N4BP2L2: variants seen among roughly 807,000 people sequenced by gnomAD.
N4BP2L2 encodes NEDD4 binding protein 2 like 2, also known as NEDD4-binding protein 2-like 2.
In N4BP2L2, 50 loss-of-function variants were observed where a neutral mutation model predicts 56.2. The ratio of observed to expected loss-of-function variants is 0.89; its 90% CI spans 0.71 to 1.13. The LOEUF (loss-of-function observed/expected upper bound fraction) is 1.13, where lower values mean the gene tolerates loss of function less well. Ranked by LOEUF, N4BP2L2 falls within the 50% of genes most tolerant of loss-of-function variation. The pLI is 0.00. For missense variants in N4BP2L2, 689 were observed against 693.8 expected (o/e 0.99, Z 0.08); for synonymous variants, 203 against 223.6 (o/e 0.91, Z 0.82).
At chr13:32,533,989 A>G (rs141383474) in intron 2 of N4BP2L2, among the ~76,000 whole-genome samples, 23 of 152,320 alleles carry the variant, frequency 1.5e-4, no homozygotes, top group Non-Finnish European at 2.8e-4. Context: ...TAAGCATTAC[A>G]GTGAAGGCAA....
At chr13:32,518,085 C>G in intron 5 of N4BP2L2, 82 bp from the exon 6 acceptor site, 1 of 1,233,594 alleles carries the variant, frequency 8.1e-7, no homozygotes, top group Non-Finnish European at 1.1e-6. Flanking sequence ...AAAAAGCACA[C>G]AAATTCTAAA....
In N4BP2L2 at chr13:32,489,893, T is replaced by C. The variant is rs116010564; in HGVS notation, c.365+27964A>G. On this transcript the variant is annotated intron_variant, in intron 6 of 9. Transcript: ENST00000357505. ...TACAGCTAAATATAATTTTATGTTA[T>C]CATATAATAAACACTAAAAAAGATC... 7.3e-3 allele frequency among the ~76,000 whole-genome samples: 1,105 copies of C among 152,312 alleles called. 16 individuals are homozygous for C. Among genetic ancestry groups the C allele is most frequent in the African/African-American group, 0.026 (1,074 of 41,560 alleles).
At chr13:32,455,356 C>G (rs1456583813) in intron 6 of N4BP2L2, among the ~76,000 whole-genome samples, 1 of 152,112 alleles carries the variant, frequency 6.6e-6, no homozygotes, top group African/African-American at 2.4e-5. Flanking sequence ...CTGAGACTGC[C>G]TACCTGGGGC....
At chr13:32,481,011 C>T (rs893507024) in intron 6 of N4BP2L2, among the ~76,000 whole-genome samples, 3 of 145,664 alleles carry the variant, frequency 2.1e-5, no homozygotes, top group Admixed American at 7.1e-5. Context: ...CCCAGCTACT[C>T]GGGAGGCTGA....
At chr13:32,441,818 C>T (rs890186536) in intron 7 of N4BP2L2, among the ~76,000 whole-genome samples, 66 of 149,378 alleles carry the variant, frequency 4.4e-4, no homozygotes, top group African/African-American at 1.2e-3. Context: ...CCGAGGCGGG[C>T]GGATCACGAG....
chr13:32,487,748 A>G (rs899667057), intron 6 of N4BP2L2, among the ~76,000 whole-genome samples: 2 of 152,192 alleles, frequency 1.3e-5, no homozygotes, highest in African/African-American at 4.8e-5. Flanking sequence ...TCCCCATAGC[A>G]GGCATATAGG....
chr13:32,484,455 T>C (rs2139206128), intron 6 of N4BP2L2, among the ~76,000 whole-genome samples: 1 of 152,284 alleles, frequency 6.6e-6, no homozygotes, highest in East Asian at 1.9e-4. Flanking sequence ...ATAAAGTCAT[T>C]TGCTTCTTAA....
At chr13:32,537,874 G>A (rs1279906080) in intron 1 of N4BP2L2, among the ~76,000 whole-genome samples, 1 of 152,094 alleles carries the variant, frequency 6.6e-6, no homozygotes, top group Non-Finnish European at 1.5e-5. Context: ...TTCGAGACCA[G>A]CCTGGCAACA....
At position 32,445,518 on chromosome 13, in the gene N4BP2L2, A is replaced by G. The variant is rs777498228; in HGVS notation, c.366-1392T>C. Among the ~76,000 whole-genome samples, 5 of 152,264 alleles carry G rather than the reference A, an allele frequency of 3.3e-5. 1 individual carries two copies. The South Asian group carries it at 8.3e-4, about 25-fold the overall frequency. On this transcript the variant is annotated intron_variant, in intron 6 of 9. Coordinates refer to the N4BP2L2 transcript ENST00000357505. ...TTTAATAGCTAGATTTCCTCTAGAC[A>G]TGAAGAATGGTTGATAATGAGCTGT...
At chr13:32,529,578 T>C (rs1172569231) in intron 2 of N4BP2L2, among the ~76,000 whole-genome samples, 3 of 151,968 alleles carry the variant, frequency 2.0e-5, no homozygotes, top group Non-Finnish European at 4.4e-5. Flanking sequence ...TTGTAACTGA[T>C]CATGTGACAT....
chr13:32,468,433 T>C (rs879476142), intron 6 of N4BP2L2, among the ~76,000 whole-genome samples: 9 of 152,244 alleles, frequency 5.9e-5, no homozygotes, highest in Admixed American at 5.2e-4. Flanking sequence ...GCCAAAGAGT[T>C]GATACTCTCT....
chr13:32,438,752 A>G (rs1210784905), intron 7 of N4BP2L2: 2 of 1,575,494 alleles, frequency 1.3e-6, no homozygotes, highest in Admixed American at 1.7e-5. Flanking sequence ...GAAAGAAAGA[A>G]AGACCTAATC....
At position 32,469,714 on chromosome 13, in the gene N4BP2L2, G is replaced by C. The variant is rs141199490; in HGVS notation, c.366-25588C>G. Among the ~76,000 whole-genome samples, 3 of 152,348 alleles carry C rather than the reference G, an allele frequency of 2.0e-5. No individual in the cohort carries two copies. The East Asian group carries it at 5.8e-4, about 29-fold the overall frequency. ...CTCTGCCTCCAAGATGGAGAAGCTGGCTTTTTAAAGTGTGGACTGATGCTG... is the reference window on the plus strand; with the variant it reads ...CTCTGCCTCCAAGATGGAGAAGCTGCCTTTTTAAAGTGTGGACTGATGCTG... On this transcript the variant is annotated intron_variant, in intron 6 of 9. Coordinates refer to the N4BP2L2 transcript ENST00000357505.
intron 1 of N4BP2L2, 29 bp downstream of exon 1, chr13:32,538,589 C>T: frequency 2.0e-6 from 2 of 979,972 alleles, no homozygotes; most frequent in Non-Finnish European, 2.4e-6. Context: ...CACCGCCCCA[C>T]CCTCACCTAA....
At chr13:32,507,593 C>G (rs1450724805), downstream of N4BP2L2, 2 of 152,000 alleles carry the variant, frequency 1.3e-5, no homozygotes, top group Admixed American at 6.6e-5. Flanking sequence ...TAAGAAAATG[C>G]TAGGCATAGG....
chr13:32,458,226 A>C (rs1593531057), intron 6 of N4BP2L2, among the ~76,000 whole-genome samples: 1 of 151,904 alleles, frequency 6.6e-6, no homozygotes, highest in Non-Finnish European at 1.5e-5. Context: ...CACCACACCC[A>C]GCTACTTTTT....
chr13:32,457,976 A>T (rs1397093275), intron 6 of N4BP2L2, among the ~76,000 whole-genome samples: 4 of 152,262 alleles, frequency 2.6e-5, no homozygotes, highest in Non-Finnish European at 5.9e-5. Flanking sequence ...TAATTACCTC[A>T]AATGTAAATG....
exon 6 of N4BP2L2, chr13:32,516,800 T>C (rs2049319410): frequency 3.2e-6 from 2 of 626,274 alleles, no homozygotes; most frequent in Non-Finnish European, 4.0e-6. Context: ...AGTGTTTTTT[T>C]CCTCATGTTG....
In N4BP2L2 at chr13:32,443,288, G is replaced by A. The variant is rs746708541; in HGVS notation, c.1204C>T (p.Gln402Ter). 1.2e-6 allele frequency: 2 copies of A among 1,613,866 alleles called. No homozygotes were observed. The highest frequency in any genetic ancestry group is 2.2e-5 in the South Asian group (2 of 91,070). Residue 402 changes from glutamine to a stop codon, truncating the protein, a stop_gained, in exon 7 of 10, where the codon CAA (glutamine) becomes TAA (stop). Coordinates refer to the N4BP2L2 transcript ENST00000357505. LOFTEE classifies it high-confidence loss of function. ...GAAGTGAAGATCATTTGAATCCATT[G>A]CCCCCTGCTGTCAGGACCAGCCAAC...
Sources: allele counts gnomAD v4.1 joint callset (sites outside exome capture counted in the v4.1 genomes callset), GRCh38; gene constraint gnomAD v4.1.1; transcripts MANE v1.5; gene names NCBI Gene and HGNC (gene_info 2026-07-23, HGNC 2026-07-21).